The following RSPRY1 variants were observed in gnomAD, a reference collection of about 807,000 sequenced individuals.
RSPRY1 encodes RING finger and SPRY domain-containing protein 1.
Under a neutral mutation model 73.1 loss-of-function variants are expected in RSPRY1, and 23 were observed. That is an observed-to-expected ratio of 0.31 (90% CI 0.23 to 0.45). The LOEUF is 0.45. RSPRY1 is among the 20% of genes least tolerant of loss of function. The probability of loss-of-function intolerance (pLI) is 1.00; values close to 1 mark genes in which losing one functional copy is unlikely to be tolerated. For synonymous variants in RSPRY1, 226 were observed against 251.4 expected, an observed-to-expected ratio of 0.90 and a Z score of 0.95; for missense variants, 448 against 698.7, an observed-to-expected ratio of 0.64 and a Z score of 4.05.
chr16:57,233,125 G>T (rs1319062905), intron 13 of RSPRY1, among the ~76,000 whole-genome samples: 13 of 152,088 alleles, frequency 8.5e-5, no homozygotes, highest in African/African-American at 3.1e-4. Context: ...CTGGCATCAG[G>T]GTAGGAGCTC....
At chr16:57,209,359 C>CT (rs1324700890) in intron 4 of RSPRY1, among the ~76,000 whole-genome samples, 172 bp downstream of exon 4, 29 of 151,606 alleles carry the variant, frequency 1.9e-4, no homozygotes, top group East Asian at 1.5e-3. Context: ...ATTATGTCCT[C>CT]TTTTTTTTTC....
At chr16:57,219,973 T>C (rs2075008563) in intron 8 of RSPRY1, 1 of 152,180 alleles carries the variant, frequency 6.6e-6, no homozygotes, top group African/African-American at 2.4e-5. Context: ...ACTGTAGATG[T>C]ATGGATTTCT....
chr16:57,235,537 T>C (rs2075287473), intron 14 of RSPRY1, among the ~76,000 whole-genome samples: 1 of 152,224 alleles, frequency 6.6e-6, no homozygotes, highest in Non-Finnish European at 1.5e-5. Flanking sequence ...TTATTTACAG[T>C]CAACCATTGA....
intron 8 of RSPRY1, among the ~76,000 whole-genome samples, chr16:57,217,859 G>A (rs1233175584): frequency 2.0e-5 from 3 of 152,178 alleles, no homozygotes; most frequent in African/African-American, 7.2e-5. Flanking sequence ...CAATATTGTG[G>A]GGAGGAGCTT....
intron 7 of RSPRY1, 130 bp downstream of exon 7, chr16:57,216,303 T>C (rs1360092325): frequency 1.5e-6 from 1 of 684,834 alleles, no homozygotes; most frequent in Admixed American, 2.4e-5. Flanking sequence ...TTCATCTGGA[T>C]AGACACGTTA....
intron 1 of RSPRY1, 118 bp downstream of exon 1, chr16:57,186,569 G>C (rs1249317380): frequency 6.5e-6 from 1 of 153,192 alleles, no homozygotes; most frequent in African/African-American, 2.4e-5. Context: ...TGGGGCGGGC[G>C]GACCGGACTG....
chr16:57,238,112 T>C (rs1448531683), intron 14 of RSPRY1, among the ~76,000 whole-genome samples: 10 of 152,132 alleles, frequency 6.6e-5, no homozygotes, highest in African/African-American at 2.2e-4. Context: ...AAGTGCTATC[T>C]AAGAATACAT....
intron 4 of RSPRY1, among the ~76,000 whole-genome samples, chr16:57,211,425 C>T (rs529060196): frequency 1.2e-3 from 179 of 152,190 alleles, no homozygotes; most frequent in African/African-American, 4.1e-3. Flanking sequence ...CAAAAATTAG[C>T]CAGCACGATG....
At chr16:57,202,603 C>T (rs1461208776) in intron 1 of RSPRY1, among the ~76,000 whole-genome samples, 16 of 152,070 alleles carry the variant, frequency 1.1e-4, no homozygotes, top group African/African-American at 3.1e-4. Flanking sequence ...AAGCTATTTC[C>T]AGCTGGTCCT....
intron 10 of RSPRY1, among the ~76,000 whole-genome samples, chr16:57,223,427 T>G (rs1467917331): frequency 6.6e-6 from 1 of 152,214 alleles, no homozygotes; most frequent in Non-Finnish European, 1.5e-5. Context: ...ATTGTATATT[T>G]TTATGGAGGC....
chr16:57,225,515 A>G (rs1271119563), intron 10 of RSPRY1, among the ~76,000 whole-genome samples: 2 of 152,220 alleles, frequency 1.3e-5, no homozygotes, highest in African/African-American at 4.8e-5. Context: ...TCATTGTTGC[A>G]TTCATCAGAA....
At chr16:57,206,821 T>C (rs2074735394) in intron 2 of RSPRY1, among the ~76,000 whole-genome samples, 1 of 152,194 alleles carries the variant, frequency 6.6e-6, no homozygotes, top group Non-Finnish European at 1.5e-5. Flanking sequence ...AGCTTCAGCC[T>C]CCTTAAGTGC....
chr16:57,211,994 G>A (rs2074852561), intron 4 of RSPRY1, among the ~76,000 whole-genome samples: 1 of 152,184 alleles, frequency 6.6e-6, no homozygotes, highest in Non-Finnish European at 1.5e-5. Flanking sequence ...AGGCTTATAA[G>A]AGCTGCCTGT....
chr16:57,235,873 G>A (rs1186214044), intron 14 of RSPRY1, among the ~76,000 whole-genome samples: 3 of 152,212 alleles, frequency 2.0e-5, no homozygotes, highest in Non-Finnish European at 2.9e-5. Flanking sequence ...GGGGTCCAGA[G>A]CCTGGAGTGA....
intron 1 of RSPRY1, among the ~76,000 whole-genome samples, chr16:57,203,085 A>C (rs1190283142): frequency 4.6e-5 from 7 of 151,922 alleles, no homozygotes; most frequent in Non-Finnish European, 8.8e-5. Flanking sequence ...GTGGGCAGAT[A>C]GCCTGAGGTC....
intron 5 of RSPRY1, 91 bp downstream of exon 5, chr16:57,213,189 C>T: frequency 8.2e-7 from 1 of 1,225,212 alleles, no homozygotes; most frequent in Non-Finnish European, 1.1e-6. Context: ...AACTGCTATA[C>T]CAGAAAGAAA....
chr16:57,199,256 A>G (rs1389950157), intron 1 of RSPRY1, among the ~76,000 whole-genome samples: 1 of 152,216 alleles, frequency 6.6e-6, no homozygotes, highest in Non-Finnish European at 1.5e-5. Flanking sequence ...GCACTTTGGT[A>G]GGCCGAGGCG....
At chr16:57,226,907 G>A (rs1185419048) in intron 10 of RSPRY1, among the ~76,000 whole-genome samples, 1 of 152,146 alleles carries the variant, frequency 6.6e-6, no homozygotes, top group Non-Finnish European at 1.5e-5. Context: ...TGACAATCTT[G>A]TGCTGATATA....
intron 13 of RSPRY1, among the ~76,000 whole-genome samples, chr16:57,232,681 A>G (rs748290189): frequency 2.6e-5 from 4 of 152,174 alleles, no homozygotes; most frequent in African/African-American, 7.2e-5. Flanking sequence ...CATTTAGTTA[A>G]CTGCTCCTGC....
Sources: gnomAD v4.1 joint callset for allele counts (sites outside exome capture counted in the v4.1 genomes callset) on GRCh38, gnomAD v4.1.1 for gene constraint, MANE v1.5 for transcripts, NCBI Gene and HGNC (gene_info 2026-07-23, HGNC 2026-07-21) for gene names.